The following SKIDA1 variants were observed in gnomAD, a reference collection of about 807,000 sequenced individuals.
SKIDA1 encodes SKI/DACH domain containing 1, also known as SKI/DACH domain-containing protein 1.
SKIDA1 carries 18 observed loss-of-function variants against 51.4 expected under a neutral mutation model. That is an observed-to-expected ratio of 0.35 (90% CI 0.24 to 0.52). The LOEUF (loss-of-function observed/expected upper bound fraction) is 0.52, where lower values mean the gene tolerates loss of function less well. Ranked by LOEUF, SKIDA1 falls within the 20% of genes least tolerant of loss-of-function variation. The pLI is 0.95. For synonymous variants in SKIDA1, 579 were observed against 500.5 expected (o/e 1.16, Z -2.09); for missense variants, 1,104 against 1,180.6 (o/e 0.94, Z 0.95).
rs1455856344 is a variant in SKIDA1 at position 21,517,148 on chromosome 10, G to T, written c.675C>A (p.Ala225=). The T allele has an allele frequency of 1.3e-5, 16 of 1,256,488 alleles. No homozygotes were observed. The highest frequency in any genetic ancestry group is 2.9e-5 in the South Asian group (1 of 33,948). 77.8% of individuals were successfully genotyped at this position (1,256,488 alleles called of 1,614,324 possible). Residue 225 remains alanine, a synonymous_variant, in exon 4 of 4, where the codon GCC becomes GCA. Coordinates refer to ENST00000449193, the MANE Select transcript of SKIDA1 (RefSeq NM_207371.4). This position sits in a 1 kb window ranked among gnomAD's most constrained non-coding sequence, Gnocchi z 6.9. ...RSLLCSKHPA[A]AAAAAAAAAA... ...CAGCGGCGGCGGCGGCGGCGGCGGCGGCTGCCGGGTGTTTGCTGCACAGCA... is the reference window on the plus strand; with the variant it reads ...CAGCGGCGGCGGCGGCGGCGGCGGCTGCTGCCGGGTGTTTGCTGCACAGCA...
Position 21,517,090 on chromosome 10 carries a change from A to AGGC in SKIDA1, c.730_732dup (p.Ala244dup), listed in dbSNP as rs528652346. 4.0e-3 allele frequency: 3,896 copies of AGGC among 984,432 alleles called. 8 individuals are homozygous for AGGC. The highest frequency in any genetic ancestry group is 0.014 in the African/African-American group (707 of 49,608). The allele number at this position is 984,432 out of a possible 1,614,324, so 61.0% of individuals were successfully genotyped here. A position where few individuals can be genotyped will look rare whatever the true frequency, so the allele number is the denominator to read the frequency against. The stretch of plus-strand genomic sequence containing the variant: ...GGCCCGGCCGCCGATACCTGGTAAT[A>AGGC]GGCGGCGGCGGCGGCGGCGGCGGCG... On this transcript the variant is annotated inframe_insertion, in exon 4 of 4. Coordinates refer to ENST00000449193, the MANE Select transcript of SKIDA1 (RefSeq NM_207371.4). The surrounding 1 kb of genome is among the most constrained non-coding windows in gnomAD (Gnocchi z 6.9).
At chr10:21,522,126 A>C (rs1369770582) in intron 2 of SKIDA1, among the ~76,000 whole-genome samples, 3 of 152,154 alleles carry the variant, frequency 2.0e-5, no homozygotes, top group Non-Finnish European at 4.4e-5. Flanking sequence ...TCTTTTGAAA[A>C]CCTGAAGGAA....
rs2032216398 is a variant in SKIDA1 at position 21,516,574 on chromosome 10, C to T, written c.1249G>A (p.Glu417Lys). The T allele has an allele frequency of 6.4e-7, 1 of 1,552,108 alleles. No homozygotes were observed. The highest frequency in any genetic ancestry group is 2.0e-5 in the Admixed American group (1 of 51,064). Residue 417 changes from glutamate (E) to lysine (K), a missense_variant, in exon 4 of 4, where the codon GAG becomes AAG. By Grantham distance (56) the Glu-to-Lys change is moderately conservative (BLOSUM62 1). Transcript: ENST00000449193. The surrounding 1 kb of genome is among the most constrained non-coding windows in gnomAD (Gnocchi z 5.7). ...TCTTCCTCCTCCTCCTCCTCTCCCT[C>T]CTCCTCCTCTTCCTCTGAGGACACA... The part of the protein sequence containing the change: ...NSVSSEEEEE[E>K]GEEEEEEEEE...
chr10:21,518,529 C>G lies in SKIDA1; in HGVS notation c.-707G>C. ...GACTTCATCAGAAGCAGTGTGTGTA[C>G]GCTTAAGGGAGAAAAAAAAAAAAAC... On this transcript the variant is annotated 5_prime_UTR_variant, in exon 4 of 4. Coordinates refer to ENST00000449193, the MANE Select transcript of SKIDA1 (RefSeq NM_207371.4). 6.8e-6 allele frequency: 1 copy of G among 147,338 alleles called. No homozygotes were observed. 9.1% of individuals were successfully genotyped at this position (147,338 alleles called of 1,614,324 possible).
At position 21,517,494 on chromosome 10, in the gene SKIDA1, C is replaced by G. The variant is rs781371791; in HGVS notation, c.329G>C (p.Arg110Pro). ...CGGCGGCGCCTTTGTGGCCAGGGCC[C>G]GGCCGACCCGCCTGCGCTTGGTCTT... ...VLKTKRRRVGRALATKAPPPE... is the reference protein window; with the variant it reads ...VLKTKRRRVGPALATKAPPPE... The change falls in exon 4 of 4, where the codon CGG becomes CCG. Residue 110 changes from arginine (R) to proline (P), a missense_variant. Coordinates refer to ENST00000449193, the MANE Select transcript of SKIDA1 (RefSeq NM_207371.4). This position sits in a 1 kb window ranked among gnomAD's most constrained non-coding sequence, Gnocchi z 6.9. The G allele has an allele frequency of 5.2e-6, 8 of 1,551,608 alleles. No homozygotes were observed. The highest frequency in any genetic ancestry group is 1.4e-5 in the African/African-American group (1 of 73,156).
chr10:21,516,245 G>T lies in SKIDA1; in HGVS notation c.1578C>A (p.Ala526=), dbSNP rs1170391154. The T allele has an allele frequency of 6.2e-7, 1 of 1,614,008 alleles. No homozygotes were observed. Reference sequence around the variant, plus strand: ...GGCAGTACACCGGAGATGCTTTGGGGGCCCAGCTCTGCAGATTCCACTCCG... The same window carrying T: ...GGCAGTACACCGGAGATGCTTTGGGTGCCCAGCTCTGCAGATTCCACTCCG... The part of the protein sequence containing the change: ...SPAEWNLQSW[A]PKASPVYCPA... Residue 526 remains alanine, a synonymous_variant, in exon 4 of 4, where the codon GCC becomes GCA. Transcript: ENST00000449193. This position sits in a 1 kb window ranked among gnomAD's most constrained non-coding sequence, Gnocchi z 5.7.
In SKIDA1 at chr10:21,515,593, C is replaced by A; in HGVS notation, c.2230G>T (p.Glu744Ter). 6.2e-7 allele frequency: 1 copy of A among 1,614,022 alleles called. No individual in the cohort carries two copies. Among genetic ancestry groups the A allele is most frequent in the East Asian group, 2.2e-5 (1 of 44,892 alleles). The change falls in exon 4 of 4, where the codon GAA (glutamate) becomes TAA (stop). Residue 744 changes from glutamate to a stop codon, truncating the protein, a stop_gained. Transcript: ENST00000449193. LOFTEE classifies it high-confidence loss of function. Reference protein sequence around the residue: ...AKEGFACPEKETPSLNPLAQS... With the variant: ...AKEGFACPEK ...GCCAGTGGATTTAAGGAAGGAGTTT[C>A]TTTTTCAGGGCATGCAAAACCTTCC...
intron 1 of SKIDA1, chr10:21,524,735 C>T (rs2032602534): frequency 6.6e-6 from 1 of 152,088 alleles, no homozygotes; most frequent in Admixed American, 6.6e-5. Context: ...TATTTTAAGG[C>T]TGATGGGAAC....
At chr10:21,522,726 C>T (rs2032440331) in intron 2 of SKIDA1, among the ~76,000 whole-genome samples, 1 of 152,014 alleles carries the variant, frequency 6.6e-6, no homozygotes, top group Non-Finnish European at 1.5e-5. Flanking sequence ...AGGGCCCATC[C>T]CTCTGTTCTT....
rs1470838773 is a variant in SKIDA1 at position 21,516,882 on chromosome 10, G to A, written c.941C>T (p.Ala314Val). Reference sequence around the variant, plus strand: ...GCAAGTGGCCCCCGCGGCGGCCGCCGCCGCCGCTGCCGCCGCCGCCGCCGC... The same window carrying A: ...GCAAGTGGCCCCCGCGGCGGCCGCCACCGCCGCTGCCGCCGCCGCCGCCGC... The part of the protein sequence containing the change: ...AAAAAAAAAA[A>V]AAAAGATCLE... Residue 314 changes from alanine to valine, a missense_variant, in exon 4 of 4, where the codon GCG becomes GTG. By Grantham distance (64) the Ala-to-Val change is moderately conservative (BLOSUM62 0). This residue lies in a region of SKIDA1 where 938 missense variants were observed against 886.4 expected (regional missense o/e 1.06). Coordinates refer to ENST00000449193, the MANE Select transcript of SKIDA1 (RefSeq NM_207371.4). The surrounding 1 kb of genome is among the most constrained non-coding windows in gnomAD (Gnocchi z 5.7). The A allele has an allele frequency of 4.7e-6, 6 of 1,269,846 alleles. No individual in the cohort carries two copies. The highest frequency in any genetic ancestry group is 5.9e-6 in the Non-Finnish European group (6 of 1,013,926). 78.7% of individuals were successfully genotyped at this position (1,269,846 alleles called of 1,614,324 possible).
In SKIDA1 at chr10:21,516,907, C is replaced by T; in HGVS notation, c.916G>A (p.Ala306Thr). The T allele has an allele frequency of 8.7e-7, 1 of 1,150,210 alleles. No individual in the cohort carries two copies. The allele number at this position is 1,150,210 out of a possible 1,614,324, so 71.3% of individuals were successfully genotyped here. The change falls in exon 4 of 4, where the codon GCG (alanine) becomes ACG (threonine). Residue 306 changes from alanine (A) to threonine (T), a missense_variant. Transcript: ENST00000449193. This position sits in a 1 kb window ranked among gnomAD's most constrained non-coding sequence, Gnocchi z 5.7. ...PRSYKAKAAA[A>T]AAAAAAAAAA... ...GCCGCCGCTGCCGCCGCCGCCGCCG[C>T]CGCCGCCGCCTTGGCTTTGTAGGAC...
intron 1 of SKIDA1, among the ~76,000 whole-genome samples, chr10:21,524,309 G>T (rs2032552819): frequency 6.6e-6 from 1 of 152,058 alleles, no homozygotes; most frequent in African/African-American, 2.4e-5. Context: ...GTTAAATGCC[G>T]ATACAAACCT....
chr10:21,516,093 C>T lies in SKIDA1; in HGVS notation c.1730G>A (p.Gly577Glu), dbSNP rs368158044. The change falls in exon 4 of 4, where the codon GGG becomes GAG. Residue 577 changes from glycine (G) to glutamate (E), a missense_variant. Coordinates refer to ENST00000449193, the MANE Select transcript of SKIDA1 (RefSeq NM_207371.4). The surrounding 1 kb of genome is among the most constrained non-coding windows in gnomAD (Gnocchi z 5.7). ...TDLTINCLAE[G>E]ASSPSPKTNN... ...TGTCTTTGGGCTAGGTGAAGAGGCC[C>T]CCTCTGCCAGGCAGTTAATTGTCAG... is the stretch of plus-strand genomic sequence containing the variant. The T allele has an allele frequency of 1.3e-5, 21 of 1,613,890 alleles. No individual in the cohort carries two copies. Among genetic ancestry groups the T allele is most frequent in the Non-Finnish European group, 1.7e-5 (20 of 1,179,906 alleles).
chr10:21,517,433 T>A lies in SKIDA1; in HGVS notation c.390A>T (p.Gly130=). ...ERAAAASPRP[G]FWKDKHQLWR... is the part of the protein sequence containing the mutation. ...AAAGTTGGTGCTTGTCCTTCCAAAA[T>A]CCCGGGCGGGGGCTGGCGGCAGCGG... The change falls in exon 4 of 4, where the codon GGA becomes GGT. Residue 130 remains glycine (G), a synonymous_variant. Transcript: ENST00000449193. The surrounding 1 kb of genome is among the most constrained non-coding windows in gnomAD (Gnocchi z 6.9). 6.7e-7 allele frequency: 1 copy of A among 1,491,196 alleles called. No individual in the cohort carries two copies. The highest frequency in any genetic ancestry group is 8.9e-7 in the Non-Finnish European group (1 of 1,126,668). The allele number at this position is 1,491,196 out of a possible 1,614,324, so 92.4% of individuals were successfully genotyped here.
Position 21,517,006 on chromosome 10 carries a change from G to A in SKIDA1, c.817C>T (p.Arg273Cys), listed in dbSNP as rs1272639653. 3.6e-6 allele frequency: 4 copies of A among 1,121,346 alleles called. No individual in the cohort carries two copies. The Admixed American group carries it at 1.4e-4, about 40-fold the overall frequency. The allele number at this position is 1,121,346 out of a possible 1,614,324, so 69.5% of individuals were successfully genotyped here. A position where few individuals can be genotyped will look rare whatever the true frequency, so the allele number is the denominator to read the frequency against. The change falls in exon 4 of 4, where the codon CGC (arginine) becomes TGC (cysteine). Residue 273 changes from arginine to cysteine, a missense_variant. Arg to Cys is a radical substitution (Grantham distance 180). Transcript: ENST00000449193. This position sits in a 1 kb window ranked among gnomAD's most constrained non-coding sequence, Gnocchi z 6.9. ...GPGSLSYRCK[R>C]KRGGAKDCLL... ...CAGTCCTTGGCGCCGCCGCGCTTGC[G>A]CTTGCAGCGGTAGCTCAGGCTCCCC...
Position 21,514,390 on chromosome 10 carries a change from C to T in SKIDA1, c.*706G>A, listed in dbSNP as rs1434213308. ...AGGAGTGGCTTTAAAAGTAAAATCACACCCTTTACAAAAAAAATACAATTC... is the reference window on the plus strand; with the variant it reads ...AGGAGTGGCTTTAAAAGTAAAATCATACCCTTTACAAAAAAAATACAATTC... On this transcript the variant is annotated 3_prime_UTR_variant, in exon 4 of 4. Transcript: ENST00000449193. The T allele has an allele frequency of 6.6e-6, 1 of 151,378 alleles. No individual in the cohort carries two copies. Among genetic ancestry groups the T allele is most frequent in the Non-Finnish European group, 1.5e-5 (1 of 67,906 alleles). 9.4% of individuals were successfully genotyped at this position (151,378 alleles called of 1,614,324 possible). A position where few individuals can be genotyped will look rare whatever the true frequency, so the allele number is the denominator to read the frequency against.
Position 21,517,960 on chromosome 10 carries a change from T to G in SKIDA1, c.-138A>C. 1.3e-6 allele frequency: 1 copy of G among 793,354 alleles called. No individual in the cohort carries two copies. Among genetic ancestry groups the G allele is most frequent in the Non-Finnish European group, 1.8e-6 (1 of 547,430 alleles). The allele number at this position is 793,354 out of a possible 1,614,324, so 49.1% of individuals were successfully genotyped here. On this transcript the variant is annotated 5_prime_UTR_variant, in exon 4 of 4. Transcript: ENST00000449193. This position sits in a 1 kb window ranked among gnomAD's most constrained non-coding sequence, Gnocchi z 6.9. ...GCTAATAAAATAACAAAGACTGTTA[T>G]TCCCGGCGAAGGAAGTGCCAAACTC... is the stretch of plus-strand genomic sequence containing the variant.
At chr10:21,523,031 A>C (rs1422825087) in intron 2 of SKIDA1, among the ~76,000 whole-genome samples, 2 of 152,214 alleles carry the variant, frequency 1.3e-5, no homozygotes, top group Non-Finnish European at 2.9e-5. Flanking sequence ...TCCAGATAAC[A>C]TATATTGCAA....
In SKIDA1 at chr10:21,515,834, T is replaced by C. The variant is rs1276835979; in HGVS notation, c.1989A>G (p.Ala663=). 1.9e-6 allele frequency: 3 copies of C among 1,614,044 alleles called. No individual in the cohort carries two copies. Among genetic ancestry groups the C allele is most frequent in the Non-Finnish European group, 2.5e-6 (3 of 1,179,868 alleles). ...TDPEVNAAGA[A]ATKAENPCTD... ...TGCAGGGATTCTCGGCTTTAGTTGC[T>C]GCTGCTCCTGCAGCGTTCACTTCAG... Residue 663 remains alanine (A), a synonymous_variant, in exon 4 of 4, where the codon GCA becomes GCG. Transcript: ENST00000449193.
Sources: allele counts gnomAD v4.1 joint callset (sites outside exome capture counted in the v4.1 genomes callset), GRCh38; gene constraint gnomAD v4.1.1; regional missense constraint gnomAD v4.1.1; non-coding constraint Gnocchi (gnomAD v3.1); transcripts MANE v1.5; gene names NCBI Gene and HGNC (gene_info 2026-07-23, HGNC 2026-07-21).